Variants in C16orf78 observed in about 807,000 individuals in gnomAD.
C16orf78 encodes chromosome 16 open reading frame 78.
Under a neutral mutation model 27.3 loss-of-function variants are expected in C16orf78, and 19 were observed. That is an observed-to-expected ratio of 0.70 (90% CI 0.49 to 1.02). The LOEUF is 1.02. C16orf78 is among the 50% of genes least tolerant of loss of function. The pLI, the probability that C16orf78 is intolerant of heterozygous loss-of-function variation, is 0.00. For missense variants in C16orf78, 339 were observed against 337.0 expected (o/e 1.01, Z -0.05); for synonymous variants, 130 against 116.1 (o/e 1.12, Z -0.77).
chr16:49,391,125 T>C (rs958839309), intron 3 of C16orf78, among the ~76,000 whole-genome samples: 4 of 152,188 alleles, frequency 2.6e-5, no homozygotes, highest in African/African-American at 9.7e-5. Flanking sequence ...TTGAGTGCAA[T>C]AGCAAGTCAC....
intron 1 of C16orf78, 55 bp from the exon 2 acceptor site, chr16:49,377,676 G>T: frequency 6.4e-7 from 1 of 1,572,362 alleles, no homozygotes; most frequent in East Asian, 2.3e-5. Flanking sequence ...GGGAAAGGGA[G>T]GGGATGCTGT....
intron 3 of C16orf78, among the ~76,000 whole-genome samples, chr16:49,392,037 C>T (rs1253775377): frequency 1.3e-5 from 2 of 152,178 alleles, no homozygotes; most frequent in Admixed American, 6.5e-5. Context: ...GCAGGTCACA[C>T]CCACACCTCA....
At chr16:49,393,120 C>T (rs1387868858) in intron 3 of C16orf78, among the ~76,000 whole-genome samples, 5 of 152,150 alleles carry the variant, frequency 3.3e-5, no homozygotes, top group Non-Finnish European at 7.3e-5. Flanking sequence ...TACCCAGTCT[C>T]GGGTACATCT....
intron 4 of C16orf78, among the ~76,000 whole-genome samples, chr16:49,397,362 A>T (rs1392096670): frequency 6.6e-6 from 1 of 152,244 alleles, no homozygotes; most frequent in Non-Finnish European, 1.5e-5. Context: ...TGTAGTTGTC[A>T]TCATCCTTGT....
intron 3 of C16orf78, among the ~76,000 whole-genome samples, chr16:49,385,920 G>A (rs1281165445): frequency 1.3e-5 from 2 of 152,064 alleles, no homozygotes; most frequent in African/African-American, 4.8e-5. Context: ...GACATAGACT[G>A]GCTGAATGAA....
chr16:49,378,597 A>C lies in C16orf78; in HGVS notation c.394+4A>C. 1 of 1,613,856 alleles carries C rather than the reference A, an allele frequency of 6.2e-7. No homozygotes were observed. Among genetic ancestry groups the C allele is most frequent in the Non-Finnish European group, 8.5e-7 (1 of 1,179,898 alleles). On this transcript the variant is annotated splice_donor_region_variant and intron_variant, in intron 3 of 4. Transcript: ENST00000299191. ...AAGGATGGCCCCAAGAAATCTGGTA[A>C]GGGAAAAACCTTGGCCCCGGCCACC...
intron 2 of C16orf78, 78 bp from the exon 3 acceptor site, chr16:49,378,392 C>T (rs980708677): frequency 6.6e-7 from 1 of 1,507,168 alleles, no homozygotes; most frequent in Non-Finnish European, 8.9e-7. Flanking sequence ...CTTGAAATTG[C>T]TGTTTGCTTG....
chr16:49,378,960 G>T (rs184724148), intron 3 of C16orf78, among the ~76,000 whole-genome samples: 46 of 152,270 alleles, frequency 3.0e-4, no homozygotes, highest in African/African-American at 3.4e-4. Context: ...AACTACAGAA[G>T]GTACCACTCC....
In C16orf78 at chr16:49,396,432, T is replaced by G; in HGVS notation, c.404T>G (p.Ile135Ser). The stretch of plus-strand genomic sequence containing the variant: ...ATCTGTCCAATTTCAGATACAGACA[T>G]CAAGGATGCAGTCGACCCAGAGTCC... ...KDGPKKSDTD[I>S]KDAVDPESTQ... is the part of the protein sequence containing the mutation. The change falls in exon 4 of 5, where the codon ATC becomes AGC. Residue 135 changes from isoleucine (I) to serine (S), a missense_variant. Ile to Ser is a moderately radical substitution (Grantham distance 142, BLOSUM62 -2). Transcript: ENST00000299191. 1 of 1,614,054 alleles carries G rather than the reference T, an allele frequency of 6.2e-7. No homozygotes were observed. Among genetic ancestry groups the G allele is most frequent in the Non-Finnish European group, 8.5e-7 (1 of 1,179,998 alleles).
At chr16:49,375,272 C>T (rs578088366) in intron 1 of C16orf78, among the ~76,000 whole-genome samples, 41 of 152,124 alleles carry the variant, frequency 2.7e-4, no homozygotes, top group African/African-American at 8.7e-4. Flanking sequence ...TGCTTACTTA[C>T]TGTATTAGTC....
rs1381802559 is a variant in C16orf78 at position 49,395,982 on chromosome 16, C to T, written c.395-441C>T. Among the ~76,000 whole-genome samples the T allele has an allele frequency of 3.3e-5, 5 of 152,224 alleles. No homozygotes were observed. The East Asian group carries it at 9.7e-4, about 29-fold the overall frequency. On this transcript the variant is annotated intron_variant, in intron 3 of 4. Coordinates refer to ENST00000299191, the MANE Select transcript of C16orf78 (RefSeq NM_144602.4). Reference sequence around the variant, plus strand: ...CCTGGGCTAGGCACGGTGGCTCATGCCTGTAATCCCAGCACTTTGGGAGGC... The same window carrying T: ...CCTGGGCTAGGCACGGTGGCTCATGTCTGTAATCCCAGCACTTTGGGAGGC...
chr16:49,394,214 G>A (rs1238062331), intron 3 of C16orf78, among the ~76,000 whole-genome samples: 1 of 151,950 alleles, frequency 6.6e-6, no homozygotes, highest in Non-Finnish European at 1.5e-5. Context: ...AATTTAAAAA[G>A]CTATTAAATT....
intron 2 of C16orf78, 87 bp downstream of exon 2, chr16:49,377,937 C>T: frequency 1.4e-6 from 2 of 1,478,912 alleles, no homozygotes; most frequent in Non-Finnish European, 1.8e-6. Flanking sequence ...TAATGCCTGC[C>T]TACTTTCTAA....
At chr16:49,397,697 G>T (rs1965491051) in intron 4 of C16orf78, among the ~76,000 whole-genome samples, 1 of 152,200 alleles carries the variant, frequency 6.6e-6, no homozygotes, top group South Asian at 2.1e-4. Context: ...GAGAGGGAAA[G>T]AATATTTGAA....
intron 3 of C16orf78, among the ~76,000 whole-genome samples, chr16:49,389,090 T>C (rs1466266456): frequency 3.3e-5 from 5 of 152,218 alleles, no homozygotes; most frequent in African/African-American, 1.2e-4. Flanking sequence ...ATATTGTTTA[T>C]GATTCCATTT....
chr16:49,398,105 C>G (rs1201651246), intron 4 of C16orf78, among the ~76,000 whole-genome samples: 1 of 152,106 alleles, frequency 6.6e-6, no homozygotes, highest in Non-Finnish European at 1.5e-5. Context: ...TGCATGAGAC[C>G]CTCAGAGGCT....
chr16:49,378,095 T>G lies in C16orf78; in HGVS notation c.270+245T>G, dbSNP rs111343526. Among the ~76,000 whole-genome samples, 890 of 152,216 alleles carry G rather than the reference T, an allele frequency of 5.8e-3. 10 individuals carry two copies. Among genetic ancestry groups the G allele is most frequent in the African/African-American group, 0.021 (854 of 41,546 alleles). ...GTGTCACATCCTCCCTTGCCCACAT[T>G]TATCCCTGAAACCATTCAAGAAGGC... On this transcript the variant is annotated intron_variant, in intron 2 of 4. Coordinates refer to ENST00000299191, the MANE Select transcript of C16orf78 (RefSeq NM_144602.4).
chr16:49,380,430 C>T (rs12921927), intron 3 of C16orf78, among the ~76,000 whole-genome samples: 2 of 152,250 alleles, frequency 1.3e-5, no homozygotes, highest in African/African-American at 4.8e-5. Context: ...ATACCTTCCC[C>T]GAATTTTCTG....
intron 3 of C16orf78, among the ~76,000 whole-genome samples, chr16:49,385,184 G>A (rs1965333110): frequency 6.6e-6 from 1 of 151,940 alleles, no homozygotes; most frequent in Non-Finnish European, 1.5e-5. Flanking sequence ...TTCAACTCTA[G>A]TATAAAAGCT....
Sources: gnomAD v4.1 joint callset for allele counts (sites outside exome capture counted in the v4.1 genomes callset) on GRCh38, gnomAD v4.1.1 for gene constraint, MANE v1.5 for transcripts, NCBI Gene and HGNC (gene_info 2026-07-23, HGNC 2026-07-21) for gene names.